CACNA2D3: variants seen among roughly 807,000 people sequenced by gnomAD.
The protein encoded by CACNA2D3 is calcium voltage-gated channel auxiliary subunit alpha2delta 3, also known as voltage-dependent calcium channel subunit alpha-2/delta-3.
A neutral mutation model predicts 160.6 loss-of-function variants in CACNA2D3; 60 were observed. That is an observed-to-expected ratio of 0.37 (90% CI 0.30 to 0.46). The LOEUF is 0.46. Ranked by LOEUF, CACNA2D3 falls within the 20% of genes least tolerant of loss-of-function variation. The probability of loss-of-function intolerance (pLI) is 1.00; values close to 1 mark genes in which losing one functional copy is unlikely to be tolerated. For missense variants in CACNA2D3, 1,205 were observed against 1,365.0 expected (o/e 0.88, Z 1.85); for synonymous variants, 558 against 492.9 (o/e 1.13, Z -1.75).
chr3:54,718,230 A>T (rs554829184), intron 11 of CACNA2D3, among the ~76,000 whole-genome samples: 1 of 152,240 alleles, frequency 6.6e-6, no homozygotes, highest in African/African-American at 2.4e-5. Flanking sequence ...AGAAGTTTTT[A>T]AAAATTTTGG....
At chr3:54,190,861 T>C (rs1700966509) in intron 2 of CACNA2D3, among the ~76,000 whole-genome samples, 1 of 152,152 alleles carries the variant, frequency 6.6e-6, no homozygotes. Flanking sequence ...CTAGTGGCCA[T>C]GTGATCTTGG....
At chr3:54,225,174 A>G (rs560461458) in intron 2 of CACNA2D3, among the ~76,000 whole-genome samples, 7 of 151,952 alleles carry the variant, frequency 4.6e-5, no homozygotes, top group East Asian at 3.9e-4. Flanking sequence ...TCATTGTTCA[A>G]TTCCCACCTA....
In CACNA2D3 at chr3:54,696,470, G is replaced by A. The variant is rs145859223; in HGVS notation, c.1167+54229G>A. ...GCTGATTTTGTAATTCACTTTGTTT[G>A]CTTTTCCTTGTCATAGGATGTTTCC... On this transcript the variant is annotated intron_variant, in intron 11 of 37. Transcript: ENST00000474759. Among the ~76,000 whole-genome samples, 325 of 152,264 alleles carry A rather than the reference G, an allele frequency of 2.1e-3. 1 individual carries two copies. Among genetic ancestry groups the A allele is most frequent in the African/African-American group, 7.3e-3 (304 of 41,570 alleles).
chr3:54,522,925 TTTATTTATTTACTTACTTACTTAC>T lies in CACNA2D3; in HGVS notation c.544+19275_544+19298del, dbSNP rs1314872991. Among the ~76,000 whole-genome samples the T allele has an allele frequency of 2.9e-4, 31 of 107,416 alleles. No homozygotes were observed. In the East Asian group the frequency reaches 9.8e-3, roughly 34 times the overall value. 70.5% of individuals were successfully genotyped at this position (107,416 alleles called of 152,430 possible). The stretch of plus-strand genomic sequence containing the variant: ...AAAGCACCATTTATTTATTTATTTA[TTTATTTATTTACTTACTTACTTAC>T]TTACTTACTTACTTACTTACTTACT... On this transcript the variant is annotated intron_variant, in intron 5 of 37. Transcript: ENST00000474759.
chr3:54,146,406 C>G (rs1349926247), intron 2 of CACNA2D3, among the ~76,000 whole-genome samples: 3 of 152,220 alleles, frequency 2.0e-5, no homozygotes, highest in African/African-American at 7.2e-5. Flanking sequence ...CTTTTGGGAA[C>G]AATGCTGCTC....
intron 12 of CACNA2D3, among the ~76,000 whole-genome samples, 166 bp from the exon 13 acceptor site, chr3:54,764,052 G>A (rs1447321000): frequency 2.6e-5 from 4 of 151,234 alleles, no homozygotes; most frequent in African/African-American, 4.9e-5. Context: ...GTGGGTGATC[G>A]GGGAGAGGAG....
intron 11 of CACNA2D3, among the ~76,000 whole-genome samples, chr3:54,649,465 G>A (rs986652627): frequency 2.6e-5 from 4 of 152,172 alleles, no homozygotes; most frequent in Non-Finnish European, 4.4e-5. Flanking sequence ...GTCAGCTTGC[G>A]CTGCTATGAC....
At chr3:54,995,364 C>T (rs115561772) in intron 31 of CACNA2D3, among the ~76,000 whole-genome samples, 61 of 152,262 alleles carry the variant, frequency 4.0e-4, no homozygotes, top group African/African-American at 1.2e-3. Context: ...TTAACAGGGA[C>T]GACTTAAAGA....
At chr3:54,219,300 T>C (rs775629350) in intron 2 of CACNA2D3, among the ~76,000 whole-genome samples, 5 of 152,216 alleles carry the variant, frequency 3.3e-5, no homozygotes, top group African/African-American at 4.8e-5. Flanking sequence ...GCAAATGCTA[T>C]GGCTCAGGGC....
chr3:54,267,448 C>A (rs1702539182), intron 2 of CACNA2D3, among the ~76,000 whole-genome samples: 1 of 152,190 alleles, frequency 6.6e-6, no homozygotes, highest in Non-Finnish European at 1.5e-5. Context: ...AGGCTAGATT[C>A]TCTCTTCCAG....
chr3:54,516,690 G>T (rs1004310126), intron 5 of CACNA2D3, among the ~76,000 whole-genome samples: 1 of 152,102 alleles, frequency 6.6e-6, no homozygotes, highest in Admixed American at 6.5e-5. Flanking sequence ...GAGCCCCAGC[G>T]GTTGAGTCCA....
At chr3:54,273,499 G>C (rs778648178) in intron 2 of CACNA2D3, among the ~76,000 whole-genome samples, 1 of 151,906 alleles carries the variant, frequency 6.6e-6, no homozygotes. Flanking sequence ...TGTTCCTTGC[G>C]TTCTGGCTCT....
chr3:54,739,751 ATG>A (rs5849058), intron 11 of CACNA2D3, among the ~76,000 whole-genome samples: 1,936 of 145,912 alleles, frequency 0.013, 27 homozygotes, highest in East Asian at 0.038. Context: ...CTCCTCATAT[ATG>A]TGTGTGTGTG....
intron 4 of CACNA2D3, among the ~76,000 whole-genome samples, chr3:54,389,382 A>T (rs7637759): frequency 0.021 from 3,221 of 152,240 alleles, 109 homozygotes; most frequent in African/African-American, 0.074. Context: ...AAATTATGGT[A>T]ATTAACTGAG....
chr3:54,997,837 T>C (rs1390987666), intron 31 of CACNA2D3, among the ~76,000 whole-genome samples: 3 of 152,210 alleles, frequency 2.0e-5, no homozygotes, highest in Admixed American at 1.3e-4. Flanking sequence ...GCCTTAGGAA[T>C]TGAGAGTGAG....
At chr3:54,269,183 G>T (rs1463783095) in intron 2 of CACNA2D3, among the ~76,000 whole-genome samples, 22 of 152,006 alleles carry the variant, frequency 1.4e-4, no homozygotes, top group African/African-American at 4.1e-4. Context: ...GGTGAAAGAG[G>T]CCCCACCTGG....
chr3:54,832,184 G>T (rs1257893586), intron 14 of CACNA2D3, among the ~76,000 whole-genome samples: 1 of 152,078 alleles, frequency 6.6e-6, no homozygotes, highest in East Asian at 1.9e-4. Flanking sequence ...TTTCCCATTT[G>T]CTCCTGGTTA....
At chr3:54,700,073 G>A (rs1237692054) in intron 11 of CACNA2D3, among the ~76,000 whole-genome samples, 2 of 152,134 alleles carry the variant, frequency 1.3e-5, no homozygotes, top group South Asian at 2.1e-4. Context: ...TATTATCTAC[G>A]TGCACTACCT....
chr3:54,603,124 A>G (rs1299086941), intron 9 of CACNA2D3, among the ~76,000 whole-genome samples: 1 of 152,210 alleles, frequency 6.6e-6, no homozygotes, highest in Non-Finnish European at 1.5e-5. Context: ...CTATGCCTTA[A>G]TTGGTGAGTC....
Sources: gnomAD v4.1 joint callset for allele counts (sites outside exome capture counted in the v4.1 genomes callset) on GRCh38, gnomAD v4.1.1 for gene constraint, MANE v1.5 for transcripts, NCBI Gene and HGNC (gene_info 2026-07-23, HGNC 2026-07-21) for gene names.